TBC1D22A: variants seen among roughly 807,000 people sequenced by gnomAD.
The protein encoded by TBC1D22A is putative GTPase activator.
A neutral mutation model predicts 60.2 loss-of-function variants in TBC1D22A; 38 were observed. That is an observed-to-expected ratio of 0.63 (90% CI 0.49 to 0.83). The LOEUF is 0.83. Among genes scored for constraint, TBC1D22A ranks in the 40% least tolerant of loss-of-function variants. The probability of loss-of-function intolerance (pLI) is 0.00; values close to 1 mark genes in which losing one functional copy is unlikely to be tolerated. For synonymous variants in TBC1D22A, 302 were observed against 281.7 expected, an observed-to-expected ratio of 1.07 and a Z score of -0.72; for missense variants, 628 against 701.0, an observed-to-expected ratio of 0.90 and a Z score of 1.18.
intron 11 of TBC1D22A, among the ~76,000 whole-genome samples, chr22:47,049,910 C>T (rs978889086): frequency 7.9e-5 from 12 of 152,284 alleles, no homozygotes; most frequent in South Asian, 2.1e-4. Context: ...GCAGGGTGAA[C>T]GGGTCCCCCT....
chr22:46,919,571 C>T (rs1344662149), intron 8 of TBC1D22A, among the ~76,000 whole-genome samples: 2 of 152,116 alleles, frequency 1.3e-5, no homozygotes, highest in Non-Finnish European at 2.9e-5. Context: ...ATTACTGGGT[C>T]ACATGGTTAC....
In TBC1D22A at chr22:47,145,542, A is replaced by G. The variant is rs185221516; in HGVS notation, c.1426-27956A>G. Among the ~76,000 whole-genome samples the G allele has an allele frequency of 2.0e-5, 3 of 152,354 alleles. No homozygotes were observed. In the East Asian group the frequency reaches 5.8e-4, roughly 29 times the overall value. ...CTTTAAGACATGATATTACAAAAGC[A>G]TCGTCATATGAAGTGGTGATCAAAT... On this transcript the variant is annotated intron_variant, in intron 12 of 12. Transcript: ENST00000337137.
chr22:46,913,414 C>A, intron 8 of TBC1D22A: 1 of 1,366,304 alleles, frequency 7.3e-7, no homozygotes, highest in Non-Finnish European at 9.8e-7. Flanking sequence ...GACAGATGAA[C>A]AGATTATCCT....
At chr22:47,075,815 C>T (rs2147531650) in intron 11 of TBC1D22A, among the ~76,000 whole-genome samples, 1 of 151,798 alleles carries the variant, frequency 6.6e-6, no homozygotes, top group South Asian at 2.1e-4. Context: ...CACACACACA[C>T]ATATGGACAC....
chr22:46,770,819 G>A (rs1215371422), intron 1 of TBC1D22A, among the ~76,000 whole-genome samples: 1 of 152,160 alleles, frequency 6.6e-6, no homozygotes, highest in Non-Finnish European at 1.5e-5. Context: ...ATTGTTTATT[G>A]GGTAAGAACC....
chr22:47,065,698 C>T (rs1164166686), intron 11 of TBC1D22A, among the ~76,000 whole-genome samples: 1 of 45,460 alleles, frequency 2.2e-5, no homozygotes, highest in Non-Finnish European at 3.7e-5. Flanking sequence ...CCCCATCTGA[C>T]TTGAGGAAGC....
chr22:47,080,598 T>G (rs1016445176), intron 11 of TBC1D22A, among the ~76,000 whole-genome samples: 2 of 143,040 alleles, frequency 1.4e-5, no homozygotes, highest in Non-Finnish European at 3.0e-5. Context: ...AAGCAGTGCT[T>G]GGGGAGCTAA....
chr22:46,762,855 G>A lies in TBC1D22A; in HGVS notation c.62+7G>A. On this transcript the variant is annotated splice_region_variant and intron_variant, in intron 1 of 12. Coordinates refer to ENST00000337137, the MANE Select transcript of TBC1D22A (RefSeq NM_014346.5). ...ACAGCAAGCTCCCGGGCAGGTGGGTGTGCCGCGGAGGGCCAGGTCGGGGTC... is the reference window on the plus strand; with the variant it reads ...ACAGCAAGCTCCCGGGCAGGTGGGTATGCCGCGGAGGGCCAGGTCGGGGTC... The A allele has an allele frequency of 1.4e-6, 2 of 1,469,474 alleles. No individual in the cohort carries two copies. Among genetic ancestry groups the A allele is most frequent in the South Asian group, 1.4e-5 (1 of 72,106 alleles). The allele number at this position is 1,469,474 out of a possible 1,614,324, so 91.0% of individuals were successfully genotyped here. A position where few individuals can be genotyped will look rare whatever the true frequency, so the allele number is the denominator to read the frequency against.
intron 10 of TBC1D22A, among the ~76,000 whole-genome samples, chr22:47,000,867 C>G (rs2061384216): frequency 6.6e-6 from 1 of 151,570 alleles, no homozygotes; most frequent in Non-Finnish European, 1.5e-5. Flanking sequence ...AAATAAATGT[C>G]TTAAAAGCAT....
chr22:46,920,455 G>A (rs540289392), intron 8 of TBC1D22A, among the ~76,000 whole-genome samples: 18 of 152,154 alleles, frequency 1.2e-4, no homozygotes, highest in Non-Finnish European at 2.5e-4. Flanking sequence ...TTTTAGAAGG[G>A]ATATATGGAA....
chr22:46,941,705 G>GGAATGTATATA (rs1569249189), intron 8 of TBC1D22A, among the ~76,000 whole-genome samples: 1,575 of 107,136 alleles, frequency 0.015, 179 homozygotes, highest in African/African-American at 0.051. Context: ...GATTATATAT[G>GGAATGTATATA]CGGAATATAT....
chr22:46,780,128 A>T (rs2083876138), intron 1 of TBC1D22A, among the ~76,000 whole-genome samples: 1 of 152,214 alleles, frequency 6.6e-6, no homozygotes, highest in African/African-American at 2.4e-5. Flanking sequence ...GAATGAGCTG[A>T]GTGGTAAATT....
chr22:46,827,328 G>A (rs927399014), intron 4 of TBC1D22A, among the ~76,000 whole-genome samples: 1 of 152,184 alleles, frequency 6.6e-6, no homozygotes, highest in African/African-American at 2.4e-5. Flanking sequence ...CCCATGCAGC[G>A]AATGCATCAC....
Position 46,974,300 on chromosome 22 carries a change from G to A in TBC1D22A, c.1026G>A (p.Glu342=). ...CTCGGCGCCGCCCAGAGGCAGAGGA[G>A]GTGGACACGGTGGACGTCTCCGGCG... ...VFICEYIEAE[E]VDTVDVSGVP... The change falls in exon 9 of 13, where the codon GAG becomes GAA. Residue 342 remains glutamate, a synonymous_variant. Coordinates refer to ENST00000337137, the MANE Select transcript of TBC1D22A (RefSeq NM_014346.5). The A allele has an allele frequency of 6.3e-7, 1 of 1,597,184 alleles. No individual in the cohort carries two copies. Among genetic ancestry groups the A allele is most frequent in the Non-Finnish European group, 8.5e-7 (1 of 1,172,250 alleles).
intron 7 of TBC1D22A, among the ~76,000 whole-genome samples, chr22:46,900,185 G>C (rs2147673937): frequency 6.7e-6 from 1 of 148,484 alleles, no homozygotes; most frequent in South Asian, 2.1e-4. Flanking sequence ...GCCTCGCTCT[G>C]TTGCCTAGGC....
intron 12 of TBC1D22A, among the ~76,000 whole-genome samples, chr22:47,152,115 G>A (rs752857892): frequency 6.6e-6 from 1 of 152,206 alleles, no homozygotes; most frequent in South Asian, 2.1e-4. Context: ...AGGGCTCCAC[G>A]GTTCTCTTTT....
At chr22:47,129,054 G>A (rs1178553675) in intron 12 of TBC1D22A, among the ~76,000 whole-genome samples, 2 of 152,236 alleles carry the variant, frequency 1.3e-5, no homozygotes, top group Non-Finnish European at 2.9e-5. Flanking sequence ...TTATCATGGT[G>A]AGTGCCGTCA....
At chr22:46,843,300 CTGT>C (rs1444307741) in intron 4 of TBC1D22A, among the ~76,000 whole-genome samples, 8 of 152,048 alleles carry the variant, frequency 5.3e-5, no homozygotes, top group Non-Finnish European at 1.0e-4. Flanking sequence ...GTCAAGTCAG[CTGT>C]TGTTGTTGTC....
chr22:47,076,593 C>G (rs1181911876), intron 11 of TBC1D22A, among the ~76,000 whole-genome samples: 1 of 151,872 alleles, frequency 6.6e-6, no homozygotes, highest in African/African-American at 2.4e-5. Flanking sequence ...GTTCTGCAGG[C>G]CAGGGAAACT....
Sources: gnomAD v4.1 joint callset for allele counts (sites outside exome capture counted in the v4.1 genomes callset) on GRCh38, gnomAD v4.1.1 for gene constraint, MANE v1.5 for transcripts, NCBI Gene and HGNC (gene_info 2026-07-23, HGNC 2026-07-21) for gene names.